The following MAK variants were observed in gnomAD, a reference collection of about 807,000 sequenced individuals.
The protein encoded by MAK is male germ cell associated kinase.
MAK carries 65 observed loss-of-function variants against 82.6 expected under a neutral mutation model. The observed-to-expected ratio is 0.79, with a 90% CI of 0.64 to 0.97. The LOEUF (loss-of-function observed/expected upper bound fraction) is 0.97. Among genes scored for constraint, MAK ranks in the 50% least tolerant of loss-of-function variants. MAK has a pLI of 0.00. For missense variants in MAK, 703 were observed against 780.2 expected (o/e 0.90, Z 1.18); for synonymous variants, 250 against 274.2 (o/e 0.91, Z 0.87).
chr6:10,789,389 A>G (rs1774883486), intron 10 of MAK, among the ~76,000 whole-genome samples: 1 of 152,130 alleles, frequency 6.6e-6, no homozygotes, highest in African/African-American at 2.4e-5. Flanking sequence ...AGTGTTTCCA[A>G]ATCACCATGC....
chr6:10,764,755 A>C, intron 14 of MAK, 149 bp from the exon 15 acceptor site: 1 of 833,598 alleles, frequency 1.2e-6, no homozygotes, highest in Non-Finnish European at 2.0e-6. Context: ...TTAAATGTTA[A>C]AACCAAAAAT....
chr6:10,764,456 C>T lies in MAK; in HGVS notation c.1943G>A (p.Arg648Gln), dbSNP rs767273634. The T allele has an allele frequency of 8.7e-6, 14 of 1,613,738 alleles. No individual in the cohort carries two copies. Among genetic ancestry groups the T allele is most frequent in the Admixed American group, 3.3e-5 (2 of 59,990 alleles). Residue 648 changes from arginine (R) to glutamine (Q), a missense_variant, in exon 15 of 15, where the codon CGG (arginine) becomes CAG (glutamine). Coordinates refer to ENST00000354489, the MANE Select transcript of MAK (RefSeq NM_001242957.3). ...TDWVAKYGGH[R>Q] The stretch of plus-strand genomic sequence containing the variant: ...AGGGTTTCACACCATAGACTCCTAC[C>T]GGTGGCCTCCATACTTGGCCACCCA...
Position 10,763,079 on chromosome 6 carries a change from G to C in MAK, c.*1373C>G, listed in dbSNP as rs526495. On this transcript the variant is annotated 3_prime_UTR_variant, in exon 15 of 15. Coordinates refer to ENST00000354489, the MANE Select transcript of MAK (RefSeq NM_001242957.3). ...CTAAGGTCCAGTCCAGAAAGTGGCA[G>C]ATTTAAACAGAGTAGCCCAAAGTTC... 6.6e-6 allele frequency: 1 copy of C among 152,554 alleles called. No individual in the cohort carries two copies. Among genetic ancestry groups the C allele is most frequent in the African/African-American group, 2.4e-5 (1 of 41,386 alleles). The allele number at this position is 152,554 out of a possible 1,614,324, so 9.5% of individuals were successfully genotyped here.
At chr6:10,837,332 A>G (rs1362926424) in intron 1 of MAK, among the ~76,000 whole-genome samples, 1 of 152,250 alleles carries the variant, frequency 6.6e-6, no homozygotes, top group South Asian at 2.1e-4. Flanking sequence ...TAAAATATAA[A>G]AGCACAGTTC....
At chr6:10,803,675 A>G in intron 7 of MAK, 45 bp downstream of exon 7, 1 of 1,516,976 alleles carries the variant, frequency 6.6e-7, no homozygotes, top group Non-Finnish European at 9.2e-7. Flanking sequence ...GTAGCAAGAT[A>G]GAAATAATCA....
chr6:10,812,911 G>A (rs1375618803), intron 5 of MAK, among the ~76,000 whole-genome samples: 5 of 145,618 alleles, frequency 3.4e-5, no homozygotes, highest in East Asian at 4.2e-4. Context: ...TTATAGGCGC[G>A]CGCCACCAAG....
At chr6:10,784,918 C>A (rs1286552625) in intron 10 of MAK, 1 of 485,834 alleles carries the variant, frequency 2.1e-6, no homozygotes. Flanking sequence ...CCATCTTCAC[C>A]TGTTGACTAA....
intron 4 of MAK, among the ~76,000 whole-genome samples, chr6:10,815,930 ATATATATATATATAT>A: frequency 7.5e-6 from 1 of 133,336 alleles, no homozygotes; most frequent in African/African-American, 3.5e-5. Flanking sequence ...ATATATATAT[ATATATATATATATAT>A]ATGTATGTTT....
At chr6:10,795,867 CA>C in intron 9 of MAK, 130 bp downstream of exon 9, 1 of 932,232 alleles carries the variant, frequency 1.1e-6, no homozygotes, top group Non-Finnish European at 1.7e-6. Flanking sequence ...AAGCTCCAAC[CA>C]GAGGACTCAG....
rs1255947370 is a variant in MAK, at chr6:10,802,047, C to T, written c.676G>A (p.Glu226Lys). ...LGTPKKSDWP[E>K]GYQLASSMNF... is the part of the protein sequence containing the mutation. ...ATAGAGGATGCCAGCTGGTATCCTTCTGGCCAGTCACTCTGTTTCAGGAAT... is the reference window on the plus strand; with the variant it reads ...ATAGAGGATGCCAGCTGGTATCCTTTTGGCCAGTCACTCTGTTTCAGGAAT... Residue 226 changes from glutamate (E) to lysine (K), a missense_variant, in exon 8 of 15, where the codon GAA (glutamate) becomes AAA (lysine). Physicochemically the swap from Glu to Lys is moderately conservative, Grantham distance 56 (BLOSUM62 1). Coordinates refer to ENST00000354489, the MANE Select transcript of MAK (RefSeq NM_001242957.3). 1 of 1,614,090 alleles carries T rather than the reference C, an allele frequency of 6.2e-7. No homozygotes were observed. Among genetic ancestry groups the T allele is most frequent in the Admixed American group, 1.7e-5 (1 of 60,016 alleles).
At chr6:10,829,079 GA>G (rs1467867671) in intron 2 of MAK, 2 of 152,216 alleles carry the variant, frequency 1.3e-5, no homozygotes, top group South Asian at 4.1e-4. Context: ...TCGGATGACT[GA>G]AACTTCGGCC....
At chr6:10,802,098 A>T (rs1168880603) in intron 7 of MAK, 39 bp from the exon 8 acceptor site, 1 of 1,571,664 alleles carries the variant, frequency 6.4e-7, no homozygotes, top group African/African-American at 1.4e-5. Context: ...GGGAGGGCAA[A>T]ACAAATTGTT....
chr6:10,830,778 C>A lies in MAK; in HGVS notation c.-130G>T. On this transcript the variant is annotated 5_prime_UTR_variant, in exon 2 of 15. It removes an upstream start codon present in the reference 5' UTR. Coordinates refer to ENST00000354489, the MANE Select transcript of MAK (RefSeq NM_001242957.3). ...GTTGCTACACTGGTGACAGGTTTGT[C>A]ATCATTAAATATAGTCTCTCCCCCA... The A allele has an allele frequency of 1.4e-6, 1 of 740,684 alleles. No individual in the cohort carries two copies. Among genetic ancestry groups the A allele is most frequent in the Non-Finnish European group, 2.4e-6 (1 of 413,198 alleles). 45.9% of individuals were successfully genotyped at this position (740,684 alleles called of 1,614,324 possible).
intron 10 of MAK, among the ~76,000 whole-genome samples, chr6:10,789,806 C>T (rs1288213500): frequency 6.6e-6 from 1 of 152,124 alleles, no homozygotes; most frequent in Non-Finnish European, 1.5e-5. Flanking sequence ...CAGGCGCCCG[C>T]CACCACACCC....
chr6:10,773,097 T>C lies in MAK; in HGVS notation c.1609A>G (p.Ile537Val). 2.6e-6 allele frequency: 4 copies of C among 1,510,060 alleles called. No individual in the cohort carries two copies. Among genetic ancestry groups the C allele is most frequent in the Non-Finnish European group, 3.6e-6 (4 of 1,125,046 alleles). 93.5% of individuals were successfully genotyped at this position (1,510,060 alleles called of 1,614,324 possible). ...CATGATAGTTTTTCGATTGGTTTAATTATGCTTTCTTCTAAAGAGAAGACA... is the reference window on the plus strand; with the variant it reads ...CATGATAGTTTTTCGATTGGTTTAACTATGCTTTCTTCTAAAGAGAAGACA... ...FKRSNAEESI[I>V]KPIEKLSCNE... Residue 537 changes from isoleucine (I) to valine (V), a missense_variant, in exon 13 of 15, where the codon ATT becomes GTT. Ile to Val is a conservative substitution (Grantham distance 29). Coordinates refer to ENST00000354489, the MANE Select transcript of MAK (RefSeq NM_001242957.3).
At chr6:10,795,359 T>A (rs1333785882) in intron 9 of MAK, among the ~76,000 whole-genome samples, 1 of 152,048 alleles carries the variant, frequency 6.6e-6, no homozygotes, top group African/African-American at 2.4e-5. Context: ...AGAGAACTGC[T>A]TGAACCTGGG....
chr6:10,816,146 T>G (rs1230962065), intron 4 of MAK, among the ~76,000 whole-genome samples: 1 of 151,304 alleles, frequency 6.6e-6, no homozygotes, highest in East Asian at 2.0e-4. Context: ...GCTGGGATTA[T>G]GGGTGGCCTC....
chr6:10,824,674 T>C (rs1562002065), intron 2 of MAK, among the ~76,000 whole-genome samples: 2 of 152,164 alleles, frequency 1.3e-5, no homozygotes, highest in African/African-American at 2.4e-5. Flanking sequence ...CATTCGTCCA[T>C]GTAATTTCAG....
intron 12 of MAK, among the ~76,000 whole-genome samples, chr6:10,774,249 A>AGT (rs1773275971): frequency 2.0e-4 from 10 of 50,332 alleles, no homozygotes; most frequent in African/African-American, 1.2e-3. Flanking sequence ...CATACTGTAC[A>AGT]AAGTTATAAT....
Sources: gnomAD v4.1 joint callset for allele counts (sites outside exome capture counted in the v4.1 genomes callset) on GRCh38, gnomAD v4.1.1 for gene constraint, MANE v1.5 for transcripts, NCBI Gene and HGNC (gene_info 2026-07-23, HGNC 2026-07-21) for gene names.